Variants in HYDIN observed in about 807,000 individuals in gnomAD.
HYDIN encodes HYDIN axonemal central pair apparatus protein.
Under a neutral mutation model 403.9 loss-of-function variants are expected in HYDIN, and 132 were observed. The observed-to-expected ratio is 0.33, with a 90% CI of 0.28 to 0.38. The LOEUF (loss-of-function observed/expected upper bound fraction) is 0.38, where lower values mean the gene tolerates loss of function less well. Ranked by LOEUF, HYDIN falls within the 10% of genes least tolerant of loss-of-function variation. The probability of loss-of-function intolerance (pLI) is 1.00; values close to 1 mark genes in which losing one functional copy is unlikely to be tolerated. For synonymous variants in HYDIN, 1,202 were observed against 1,891.7 expected (o/e 0.64, Z 9.46); for missense variants, 2,827 against 5,009.5 (o/e 0.56, Z 13.15).
chr16:70,902,821 A>ATATTTTTTTTTTTTTTTTTTTTT, intron 52 of HYDIN, among the ~76,000 whole-genome samples: 3 of 47,310 alleles, frequency 6.3e-5, no homozygotes, highest in South Asian at 7.5e-4. Context: ...ATATATATAT[A>ATATTTTTTTTTTTTTTTTTTTTT]TTTTTTTTTT....
chr16:70,890,685 A>G (rs1289022591), intron 57 of HYDIN, among the ~76,000 whole-genome samples: 2 of 151,148 alleles, frequency 1.3e-5, no homozygotes, highest in East Asian at 3.9e-4. Context: ...ATGGCAGCCC[A>G]GTAGAAGCCA....
At chr16:71,195,014 G>A (rs574475164) in intron 1 of HYDIN, among the ~76,000 whole-genome samples, 1 of 152,272 alleles carries the variant, frequency 6.6e-6, no homozygotes, top group Non-Finnish European at 1.5e-5. Flanking sequence ...ACTGTCACTT[G>A]CACAACATCT....
chr16:70,962,685 G>A (rs1388201160), intron 37 of HYDIN, among the ~76,000 whole-genome samples: 2 of 146,334 alleles, frequency 1.4e-5, no homozygotes, highest in East Asian at 4.0e-4. Context: ...TTGTTCTATA[G>A]CATTTCAGGG....
chr16:70,920,588 T>C lies in HYDIN; in HGVS notation c.7785+3A>G, dbSNP rs745386466. 1.2e-6 allele frequency: 2 copies of C among 1,608,784 alleles called. No homozygotes were observed. The highest frequency in any genetic ancestry group is 2.2e-5 in the East Asian group (1 of 44,856). On this transcript the variant is annotated splice_donor_region_variant and intron_variant, in intron 46 of 85. Coordinates refer to ENST00000393567, the MANE Select transcript of HYDIN (RefSeq NM_001270974.2). ...CTTCCCCACCCTGGAGGAGAGTCCA[T>C]ACCTGCTCTCCTTTGGGAAGCTTGT... is the stretch of plus-strand genomic sequence containing the variant.
chr16:70,850,609 T>A lies in HYDIN; in HGVS notation c.12490A>T (p.Asn4164Tyr). 1 of 1,614,050 alleles carries A rather than the reference T, an allele frequency of 6.2e-7. No individual in the cohort carries two copies. Among genetic ancestry groups the A allele is most frequent in the South Asian group, 1.1e-5 (1 of 91,078 alleles). The change falls in exon 74 of 86, where the codon AAC becomes TAC. Residue 4164 changes from asparagine (N) to tyrosine (Y), a missense_variant. Coordinates refer to ENST00000393567, the MANE Select transcript of HYDIN (RefSeq NM_001270974.2). ...TCCACATTGCAGATCAAATTAAAGTTCACATCTCCTTCCTGCTTTGGTGTG... is the reference window on the plus strand; with the variant it reads ...TCCACATTGCAGATCAAATTAAAGTACACATCTCCTTCCTGCTTTGGTGTG... ...FFTPKQEGDV[N>Y]FNLICNVEKK...
At chr16:71,071,478 G>A (rs2144311715) in intron 13 of HYDIN, among the ~76,000 whole-genome samples, 1 of 151,216 alleles carries the variant, frequency 6.6e-6, no homozygotes, top group Non-Finnish European at 1.5e-5. Context: ...CTTTTATAGG[G>A]TCTAGTAGAT....
At chr16:71,139,581 A>C (rs1210153225) in intron 7 of HYDIN, among the ~76,000 whole-genome samples, 4 of 152,058 alleles carry the variant, frequency 2.6e-5, no homozygotes, top group Non-Finnish European at 5.9e-5. Context: ...TAGGACCTAC[A>C]GAAATAAAAT....
rs751485033 is a variant in HYDIN at position 70,860,134 on chromosome 16, G to T, written c.12063C>A (p.Leu4021=). The change falls in exon 71 of 86, where the codon CTC becomes CTA. Residue 4021 remains leucine, a synonymous_variant. Transcript: ENST00000393567. ...FCWISEEIES[L]QNPAAFTCLT... The stretch of plus-strand genomic sequence containing the variant: ...GGCATGTGAATGCTGCAGGGTTCTG[G>T]AGACTTTCAATTTCTTCAGAGATCC... The T allele has an allele frequency of 2.5e-6, 4 of 1,613,332 alleles. No homozygotes were observed. In the East Asian group the frequency reaches 8.9e-5, roughly 36 times the overall value.
intron 41 of HYDIN, 135 bp from the exon 42 acceptor site, chr16:70,944,084 T>C (rs1320748669): frequency 1.2e-5 from 8 of 661,018 alleles, no homozygotes; most frequent in Non-Finnish European, 1.8e-5. Flanking sequence ...AACTGCATTA[T>C]AAAATGGAAG....
At chr16:71,179,177 A>G (rs1039760921) in intron 3 of HYDIN, 130 bp from the exon 4 acceptor site, 28 of 600,792 alleles carry the variant, frequency 4.7e-5, no homozygotes, top group Admixed American at 1.4e-4. Flanking sequence ...AGAAATCCAT[A>G]CCCAAGTACA....
intron 8 of HYDIN, among the ~76,000 whole-genome samples, chr16:71,134,362 T>C (rs1385697741): frequency 1.3e-5 from 2 of 152,114 alleles, no homozygotes; most frequent in East Asian, 1.9e-4. Flanking sequence ...CTTTTAACTA[T>C]AGAGGTTGCT....
At chr16:71,221,517 A>ATTTTC (rs1347265262) in intron 1 of HYDIN, among the ~76,000 whole-genome samples, 13 of 152,156 alleles carry the variant, frequency 8.5e-5, no homozygotes, top group Non-Finnish European at 1.9e-4. Flanking sequence ...TTTTCCAAGG[A>ATTTTC]CAATAAGCAG....
At chr16:70,931,996 G>C (rs1198839203) in intron 45 of HYDIN, among the ~76,000 whole-genome samples, 1 of 113,448 alleles carries the variant, frequency 8.8e-6, no homozygotes, top group African/African-American at 3.3e-5. Flanking sequence ...GGGCGACAGA[G>C]CGAGACTTGT....
At chr16:70,927,084 T>TTAC (rs1208362548) in intron 45 of HYDIN, among the ~76,000 whole-genome samples, 1 of 151,760 alleles carries the variant, frequency 6.6e-6, no homozygotes, top group Non-Finnish European at 1.5e-5. Context: ...TCTGGAAGAG[T>TTAC]TAGTGGCTAA....
intron 25 of HYDIN, among the ~76,000 whole-genome samples, 184 bp downstream of exon 25, chr16:70,991,134 A>G (rs903120476): frequency 3.9e-5 from 6 of 152,170 alleles, no homozygotes; most frequent in Non-Finnish European, 8.8e-5. Flanking sequence ...GAACATCACA[A>G]GTGTAGGCTC....
At chr16:70,821,565 G>A (rs986343699) in intron 83 of HYDIN, among the ~76,000 whole-genome samples, 2 of 151,976 alleles carry the variant, frequency 1.3e-5, no homozygotes, top group South Asian at 2.1e-4. Flanking sequence ...CATTGTTATC[G>A]CTGTCCCTCT....
At chr16:71,194,342 C>A (rs541988543) in intron 1 of HYDIN, among the ~76,000 whole-genome samples, 8 of 152,110 alleles carry the variant, frequency 5.3e-5, no homozygotes, top group Non-Finnish European at 1.0e-4. Context: ...ACCAGGGAGG[C>A]GGAGGTTGCA....
intron 13 of HYDIN, among the ~76,000 whole-genome samples, chr16:71,076,281 A>G (rs2144327222): frequency 1.4e-5 from 2 of 146,318 alleles, no homozygotes; most frequent in Non-Finnish European, 3.0e-5. Flanking sequence ...AATCAATAGT[A>G]TTTTACACTT....
chr16:70,934,237 TGAG>T (rs1261797412), intron 45 of HYDIN, among the ~76,000 whole-genome samples: 2 of 150,952 alleles, frequency 1.3e-5, no homozygotes, highest in African/African-American at 4.9e-5. Flanking sequence ...GAGGCAGAAA[TGAG>T]GGGTGACGAG....
Sources: gnomAD v4.1 joint callset for allele counts (sites outside exome capture counted in the v4.1 genomes callset) on GRCh38, gnomAD v4.1.1 for gene constraint, MANE v1.5 for transcripts, NCBI Gene and HGNC (gene_info 2026-07-23, HGNC 2026-07-21) for gene names.